The following CILK1 variants were observed in gnomAD, a reference collection of about 807,000 sequenced individuals.
CILK1 encodes the protein serine/threonine-protein kinase ICK.
In CILK1, 47 loss-of-function variants were observed where a neutral mutation model predicts 79.2. The ratio of observed to expected loss-of-function variants is 0.59; its 90% confidence interval spans 0.47 to 0.76. CILK1 has a LOEUF of 0.76. Ranked by LOEUF, CILK1 falls within the 30% of genes least tolerant of loss-of-function variation. CILK1 has a pLI of 0.00. For missense variants in CILK1, 660 were observed against 769.5 expected (o/e 0.86, Z 1.68); for synonymous variants, 266 against 275.9 (o/e 0.96, Z 0.36).
chr6:53,027,126 A>G (rs1765629301), intron 5 of CILK1, among the ~76,000 whole-genome samples: 1 of 152,212 alleles, frequency 6.6e-6, no homozygotes. Flanking sequence ...TCAAACCTAC[A>G]ATGTTTTTAT....
At chr6:53,054,085 T>TA (rs1174529306) in intron 1 of CILK1, among the ~76,000 whole-genome samples, 4 of 152,176 alleles carry the variant, frequency 2.6e-5, no homozygotes, top group Admixed American at 6.5e-5. Flanking sequence ...CCCTGTATGC[T>TA]ACACACCTTT....
In CILK1 at chr6:53,005,260, T is replaced by C; in HGVS notation, c.1788A>G (p.Pro596=). 6.2e-7 allele frequency: 1 copy of C among 1,614,180 alleles called. No individual in the cohort carries two copies. ...LKAMRPHPGR[P]FFHTQPRSTP... ...TGCTTCTAGGCTGGGTGTGGAAGAA[T>C]GGTCGCCCAGGATGAGGTCTCATGG... is the stretch of plus-strand genomic sequence containing the variant. The change falls in exon 14 of 14, where the codon CCA becomes CCG. Residue 596 remains proline (P), a synonymous_variant. Transcript: ENST00000676107.
At chr6:53,026,105 T>C (rs1341861783) in intron 5 of CILK1, among the ~76,000 whole-genome samples, 2 of 152,174 alleles carry the variant, frequency 1.3e-5, no homozygotes, top group African/African-American at 2.4e-5. Flanking sequence ...ATCTACCTAA[T>C]AGGGTTGTTC....
chr6:53,061,470 G>A (rs1337435955), intron 1 of CILK1, 126 bp downstream of exon 1: 1 of 152,328 alleles, frequency 6.6e-6, no homozygotes, highest in African/African-American at 2.4e-5. Context: ...TAACCCATTA[G>A]CCTCTTCCTG....
At chr6:53,024,626 T>C (rs1345165378) in intron 5 of CILK1, among the ~76,000 whole-genome samples, 1 of 152,196 alleles carries the variant, frequency 6.6e-6, no homozygotes, top group Non-Finnish European at 1.5e-5. Context: ...TGTGAGACCA[T>C]GGTTTGTCTT....
chr6:53,051,269 T>A (rs531770217), intron 1 of CILK1, among the ~76,000 whole-genome samples: 1 of 152,234 alleles, frequency 6.6e-6, no homozygotes, highest in African/African-American at 2.4e-5. Flanking sequence ...ACAAAAAAAA[T>A]TTTTTAAACT....
intron 5 of CILK1, 76 bp from the exon 6 acceptor site, chr6:53,019,435 T>C: frequency 6.7e-7 from 1 of 1,495,698 alleles, no homozygotes; most frequent in South Asian, 1.2e-5. Flanking sequence ...TATTGCTCTC[T>C]GCAAAATAGT....
At chr6:53,041,483 C>G (rs544931760) in intron 1 of CILK1, 75 bp from the exon 2 acceptor site, 4 of 462,680 alleles carry the variant, frequency 8.6e-6, no homozygotes, top group African/African-American at 7.9e-5. Flanking sequence ...AAGTCTAAAT[C>G]TGTGTTTTAT....
At chr6:53,045,793 A>AAAT (rs1767035493) in intron 1 of CILK1, among the ~76,000 whole-genome samples, 2 of 148,748 alleles carry the variant, frequency 1.3e-5, no homozygotes, top group African/African-American at 4.9e-5. Flanking sequence ...CATCTTCCTA[A>AAAT]AAAAAAAAAA....
At chr6:53,040,781 C>T (rs1289908749) in intron 2 of CILK1, among the ~76,000 whole-genome samples, 1 of 152,190 alleles carries the variant, frequency 6.6e-6, no homozygotes, top group Non-Finnish European at 1.5e-5. Context: ...ACAGCAGTCA[C>T]CAGACCACCA....
intron 11 of CILK1, 61 bp downstream of exon 11, chr6:53,011,708 G>A: frequency 2.7e-6 from 4 of 1,494,724 alleles, no homozygotes; most frequent in Non-Finnish European, 3.7e-6. Flanking sequence ...TTGTGAATAT[G>A]TGATTCCAAG....
rs1024446595 is a variant in CILK1 at position 53,018,645 on chromosome 6, G to A, written c.492-144C>T. 5.3e-5 allele frequency: 43 copies of A among 804,214 alleles called. 2 individuals carry two copies. The East Asian group carries it at 1.2e-3, about 22-fold the overall frequency. 49.8% of individuals were successfully genotyped at this position (804,214 alleles called of 1,614,324 possible). A position where few individuals can be genotyped will look rare whatever the true frequency, so the allele number is the denominator to read the frequency against. On this transcript the variant is annotated intron_variant, in intron 6 of 13. Coordinates refer to ENST00000676107, the MANE Select transcript of CILK1 (RefSeq NM_014920.5). ...GGTGTAATGGAATTGTGAGAACTTG[G>A]CAACTGCCGTGGGCTGCTGTTGACA...
rs1046326691 is a variant in CILK1, at chr6:53,004,605, A to G, written c.*544T>C. 1 of 154,000 alleles carries G rather than the reference A, an allele frequency of 6.5e-6. No homozygotes were observed. The highest frequency in any genetic ancestry group is 6.4e-5 in the Admixed American group (1 of 15,522). 9.5% of individuals were successfully genotyped at this position (154,000 alleles called of 1,614,324 possible). A position where few individuals can be genotyped will look rare whatever the true frequency, so the allele number is the denominator to read the frequency against. On this transcript the variant is annotated 3_prime_UTR_variant, in exon 14 of 14. Transcript: ENST00000676107. The stretch of plus-strand genomic sequence containing the variant: ...AAATCAAACCAATGACCTACTAAGA[A>G]AAGCAGAGGATCACTTTTCTAACAA...
At chr6:53,044,404 A>G (rs1581750828) in intron 1 of CILK1, among the ~76,000 whole-genome samples, 1 of 152,214 alleles carries the variant, frequency 6.6e-6, no homozygotes, top group Non-Finnish European at 1.5e-5. Flanking sequence ...AGTAGATTAG[A>G]TAAAAATATT....
chr6:53,041,273 C>T lies in CILK1; in HGVS notation c.-37G>A, dbSNP rs756864048. Reference sequence around the variant, plus strand: ...TCAGGCCGGACACTCATCTCACGGCCGAAGTGGTTCAGTTCTGCAGTGGTA... The same window carrying T: ...TCAGGCCGGACACTCATCTCACGGCTGAAGTGGTTCAGTTCTGCAGTGGTA... On this transcript the variant is annotated 5_prime_UTR_variant, in exon 2 of 14. Coordinates refer to ENST00000676107, the MANE Select transcript of CILK1 (RefSeq NM_014920.5). 1.6e-5 allele frequency: 23 copies of T among 1,483,226 alleles called. No individual in the cohort carries two copies. The highest frequency in any genetic ancestry group is 1.0e-4 in the South Asian group (9 of 88,414). The allele number at this position is 1,483,226 out of a possible 1,614,324, so 91.9% of individuals were successfully genotyped here. A position where few individuals can be genotyped will look rare whatever the true frequency, so the allele number is the denominator to read the frequency against.
chr6:53,013,634 A>G, intron 9 of CILK1, 28 bp downstream of exon 9: 1 of 1,603,230 alleles, frequency 6.2e-7, no homozygotes, highest in East Asian at 2.2e-5. Flanking sequence ...ACAGACACGA[A>G]GCTCACTGGT....
intron 1 of CILK1, among the ~76,000 whole-genome samples, chr6:53,055,627 C>T (rs183976062): frequency 1.5e-4 from 23 of 152,288 alleles, no homozygotes; most frequent in African/African-American, 4.8e-4. Context: ...TTCTTCATAC[C>T]TTTACCATCC....
intron 7 of CILK1, among the ~76,000 whole-genome samples, chr6:53,017,942 G>A (rs1581965090): frequency 6.6e-6 from 1 of 152,188 alleles, no homozygotes; most frequent in East Asian, 1.9e-4. Context: ...TGAGGTGATG[G>A]TGAGGGAGTC....
intron 8 of CILK1, among the ~76,000 whole-genome samples, chr6:53,014,504 A>C (rs1017493715): frequency 7.2e-5 from 11 of 152,268 alleles, no homozygotes; most frequent in African/African-American, 2.4e-4. Flanking sequence ...AAACCGTGTC[A>C]GTTGTTCTGG....
Sources: gnomAD v4.1 joint callset for allele counts (sites outside exome capture counted in the v4.1 genomes callset) on GRCh38, gnomAD v4.1.1 for gene constraint, MANE v1.5 for transcripts, NCBI Gene and HGNC (gene_info 2026-07-23, HGNC 2026-07-21) for gene names.